DMD: variants seen among roughly 807,000 people sequenced by gnomAD.
DMD encodes mutant dystrophin.
In DMD, 63 loss-of-function variants were observed where a neutral mutation model predicts 330.1. The observed-to-expected ratio is 0.19, with a 90% CI of 0.16 to 0.24. DMD has a LOEUF of 0.24. Ranked by LOEUF, DMD falls within the 10% of genes least tolerant of loss-of-function variation. The pLI is 1.00. For missense variants in DMD, 3,344 were observed against 2,684.1 expected (o/e 1.25, Z -5.43); for synonymous variants, 1,223 against 959.8 (o/e 1.27, Z -5.07).
rs774357500 is a variant in DMD at position 33,020,174 on chromosome X, T to C, written c.58A>G (p.Thr20Ala). 1 of 1,191,069 alleles carries C rather than the reference T, an allele frequency of 8.4e-7. No individual in the cohort carries two copies. Among genetic ancestry groups the C allele is most frequent in the Non-Finnish European group, 1.1e-6 (1 of 880,002 alleles). ...TGTGCATTTACCCATTTTGTGAATG[T>C]TTTCTTTTGAACATCTTCTCTTTCA... ...CYEREDVQKK[T>A]FTKWVNAQFS... Residue 20 changes from threonine (T) to alanine (A), a missense_variant, in exon 2 of 79, where the codon ACA becomes GCA. Physicochemically the swap from Thr to Ala is moderately conservative, Grantham distance 58 (BLOSUM62 0). Transcript: ENST00000357033.
chrX:33,044,127 T>C (rs1361512651), intron 1 of DMD, among the ~76,000 whole-genome samples: 1 of 111,535 alleles, frequency 9.0e-6, no homozygotes, highest in Non-Finnish European at 1.9e-5. Flanking sequence ...TAATTTCATA[T>C]TTATGATTGT....
chrX:32,307,150 A>G (rs1048679159), intron 42 of DMD, among the ~76,000 whole-genome samples: 1 of 111,299 alleles, frequency 9.0e-6, no homozygotes, highest in African/African-American at 3.3e-5. Context: ...AGATTCGAAG[A>G]CAAGGGATGT....
chrX:31,838,777 A>T (rs1186808066), intron 48 of DMD, among the ~76,000 whole-genome samples: 1 of 111,558 alleles, frequency 9.0e-6, no homozygotes, highest in African/African-American at 3.3e-5. Flanking sequence ...TGGGTGGGAT[A>T]GTAGTGACGG....
chrX:31,405,200 A>G (rs1374481922), intron 60 of DMD, among the ~76,000 whole-genome samples: 1 of 112,119 alleles, frequency 8.9e-6, no homozygotes, highest in African/African-American at 3.2e-5. Flanking sequence ...AAGAAAAATA[A>G]TATGTATAGG....
chrX:31,657,718 T>C (rs1244863867), intron 54 of DMD, among the ~76,000 whole-genome samples: 1 of 112,242 alleles, frequency 8.9e-6, no homozygotes, highest in Non-Finnish European at 1.9e-5. Flanking sequence ...GACTGATAAA[T>C]GGCTCTTCTA....
At chrX:32,274,114 T>C (rs2097375856) in intron 43 of DMD, among the ~76,000 whole-genome samples, 1 of 111,701 alleles carries the variant, frequency 9.0e-6, no homozygotes, top group Non-Finnish European at 1.9e-5. Flanking sequence ...AATATCAGCC[T>C]CCAAAATGAG....
chrX:32,207,815 T>A (rs2097076816), intron 44 of DMD, among the ~76,000 whole-genome samples: 1 of 112,158 alleles, frequency 8.9e-6, no homozygotes, highest in Non-Finnish European at 1.9e-5. Flanking sequence ...TGCATTGTTT[T>A]AAAGTTACAG....
intron 1 of DMD, among the ~76,000 whole-genome samples, chrX:33,301,641 C>T (rs918746383): frequency 9.0e-6 from 1 of 111,721 alleles, no homozygotes; most frequent in Non-Finnish European, 1.9e-5. Context: ...GGTGAGGACC[C>T]AGTCTCTGCT....
At position 32,312,843 on chromosome X, in the gene DMD, T is replaced by C. The variant is rs749968430; in HGVS notation, c.5923-2567A>G. ...AATCTAGAAAAAATGGATAAATTCC[T>C]GGACACATACACCCTCCCAAGACTA... On this transcript the variant is annotated intron_variant, in intron 41 of 78. Transcript: ENST00000357033. 3.9e-3 allele frequency among the ~76,000 whole-genome samples: 399 copies of C among 102,721 alleles called. 2 individuals are homozygous for C. Among genetic ancestry groups the C allele is most frequent in the African/African-American group, 0.013 (368 of 28,410 alleles). 89.2% of individuals were successfully genotyped at this position (102,721 alleles called of 115,157 possible). A position where few individuals can be genotyped will look rare whatever the true frequency, so the allele number is the denominator to read the frequency against.
At chrX:32,339,697 G>A (rs759087361) in intron 41 of DMD, among the ~76,000 whole-genome samples, 24 of 111,671 alleles carry the variant, frequency 2.1e-4, no homozygotes, top group South Asian at 7.5e-4. Flanking sequence ...TGTGAGATAA[G>A]GAAAATTAAT....
intron 2 of DMD, among the ~76,000 whole-genome samples, chrX:32,984,525 G>T (rs1302522660): frequency 8.9e-6 from 1 of 111,797 alleles, no homozygotes; most frequent in Non-Finnish European, 1.9e-5. Context: ...AAAGTGCTGG[G>T]ATTGTAGGAG....
chrX:31,880,248 C>T (rs1312902770), intron 47 of DMD, among the ~76,000 whole-genome samples: 1 of 111,458 alleles, frequency 9.0e-6, no homozygotes, highest in African/African-American at 3.3e-5. Flanking sequence ...GTGGGGAAGC[C>T]TTTTAGAAGC....
chrX:32,303,821 A>G (rs1402487656), intron 42 of DMD, among the ~76,000 whole-genome samples: 2 of 110,371 alleles, frequency 1.8e-5, no homozygotes, highest in East Asian at 5.8e-4. Context: ...CACCCTATAT[A>G]AATCTAATTC....
chrX:31,842,354 A>G (rs1299085195), intron 48 of DMD, among the ~76,000 whole-genome samples: 1 of 112,413 alleles, frequency 8.9e-6, no homozygotes, highest in African/African-American at 3.2e-5. Flanking sequence ...AAGACGCTGT[A>G]AACAATGTTG....
intron 51 of DMD, 130 bp downstream of exon 51, chrX:31,773,830 A>T: frequency 7.6e-6 from 4 of 527,236 alleles, no homozygotes; most frequent in Non-Finnish European, 1.3e-5. Flanking sequence ...TAGTGAGAGT[A>T]ATGTGTTTGC....
At chrX:32,592,244 G>C (rs2055006211) in intron 13 of DMD, among the ~76,000 whole-genome samples, 1 of 111,275 alleles carries the variant, frequency 9.0e-6, no homozygotes, top group Non-Finnish European at 1.9e-5. Flanking sequence ...GGTGGAGTTT[G>C]TGGCCCAGAA....
chrX:32,698,625 G>A (rs1296735091), intron 8 of DMD, among the ~76,000 whole-genome samples: 1 of 111,591 alleles, frequency 9.0e-6, no homozygotes, highest in South Asian at 3.7e-4. Flanking sequence ...TTTCTTTATT[G>A]TTTATTTGAA....
At chrX:33,047,700 T>C (rs1407515055) in intron 1 of DMD, among the ~76,000 whole-genome samples, 1 of 112,388 alleles carries the variant, frequency 8.9e-6, no homozygotes, top group East Asian at 2.8e-4. Context: ...ATTCAAATCT[T>C]TAAAACAAGG....
At chrX:32,098,091 T>C (rs1334356262) in intron 44 of DMD, among the ~76,000 whole-genome samples, 1 of 111,057 alleles carries the variant, frequency 9.0e-6, no homozygotes, top group Non-Finnish European at 1.9e-5. Context: ...CAAAAAGGGG[T>C]ATTGAAAATG....
Sources: gnomAD v4.1 joint callset for allele counts (sites outside exome capture counted in the v4.1 genomes callset) on GRCh38, gnomAD v4.1.1 for gene constraint, MANE v1.5 for transcripts, NCBI Gene and HGNC (gene_info 2026-07-23, HGNC 2026-07-21) for gene names.